TAFA2: variants seen among roughly 807,000 people sequenced by gnomAD.
TAFA2 encodes TAFA chemokine like family member 2.
Under a neutral mutation model 18.8 loss-of-function variants are expected in TAFA2, and 7 were observed. That is an observed-to-expected ratio of 0.37 (90% confidence interval 0.21 to 0.70). The LOEUF is 0.70. Among genes scored for constraint, TAFA2 ranks in the 30% least tolerant of loss-of-function variants. The probability of loss-of-function intolerance (pLI) is 0.53; values close to 1 mark genes in which losing one functional copy is unlikely to be tolerated. For synonymous variants in TAFA2, 60 were observed against 54.2 expected, an observed-to-expected ratio of 1.11 and a Z score of -0.47; for missense variants, 122 against 158.1, an observed-to-expected ratio of 0.77 and a Z score of 1.23.
chr12:61,820,110 A>C (rs1221926633), intron 2 of TAFA2, among the ~76,000 whole-genome samples: 1 of 152,012 alleles, frequency 6.6e-6, no homozygotes, highest in Non-Finnish European at 1.5e-5. Context: ...CATTTACATC[A>C]GTTTGTCCCA....
intron 1 of TAFA2, among the ~76,000 whole-genome samples, chr12:62,249,173 G>T (rs2062900111): frequency 6.6e-6 from 1 of 151,030 alleles, no homozygotes; most frequent in Admixed American, 6.6e-5. Flanking sequence ...CATGTTCCTG[G>T]AATTTGTGAT....
Position 61,780,079 on chromosome 12 carries a change from C to A in TAFA2, c.107-25055G>T, listed in dbSNP as rs1216588540. On this transcript the variant is annotated intron_variant, in intron 2 of 4. Coordinates refer to ENST00000416284, the MANE Select transcript of TAFA2 (RefSeq NM_178539.5). ...GAAAATCATTAGATGCAAATGAAAACAATGTCAAATATCCCAGAAGATAAT... is the reference window on the plus strand; with the variant it reads ...GAAAATCATTAGATGCAAATGAAAAAAATGTCAAATATCCCAGAAGATAAT... Among the ~76,000 whole-genome samples, 3 of 151,626 alleles carry A rather than the reference C, an allele frequency of 2.0e-5. No homozygotes were observed. In the East Asian group the frequency reaches 5.8e-4, roughly 29 times the overall value.
At chr12:62,058,487 T>C (rs1338158441) in intron 1 of TAFA2, among the ~76,000 whole-genome samples, 1 of 152,234 alleles carries the variant, frequency 6.6e-6, no homozygotes, top group Non-Finnish European at 1.5e-5. Flanking sequence ...CAGCAGTGAA[T>C]AATTCCGTCT....
intron 1 of TAFA2, among the ~76,000 whole-genome samples, chr12:62,178,733 G>A (rs1565771491): frequency 6.6e-6 from 1 of 152,200 alleles, no homozygotes; most frequent in East Asian, 1.9e-4. Context: ...TGGGCTACAA[G>A]AAGATCTGCC....
rs1378903492 is a variant in TAFA2, at chr12:62,079,482, G to A, written c.-2+111777C>T. On this transcript the variant is annotated intron_variant, in intron 1 of 4. Coordinates refer to ENST00000416284, the MANE Select transcript of TAFA2 (RefSeq NM_178539.5). ...AGTCTGGCCAACATGGTGAAACCCCGTCTCTACTAAAAATACAAAAAAAAA... is the reference window on the plus strand; with the variant it reads ...AGTCTGGCCAACATGGTGAAACCCCATCTCTACTAAAAATACAAAAAAAAA... Among the ~76,000 whole-genome samples the A allele has an allele frequency of 4.8e-5, 7 of 147,030 alleles. No individual in the cohort carries two copies. In the East Asian group the frequency reaches 1.2e-3, roughly 25 times the overall value.
At chr12:62,076,162 T>C (rs535321684) in intron 1 of TAFA2, among the ~76,000 whole-genome samples, 1 of 152,324 alleles carries the variant, frequency 6.6e-6, no homozygotes, top group South Asian at 2.1e-4. Context: ...GTTGTTGTAT[T>C]AAAAGTTAGC....
chr12:61,736,448 A>G (rs1868305827), intron 4 of TAFA2, among the ~76,000 whole-genome samples: 1 of 151,762 alleles, frequency 6.6e-6, no homozygotes, highest in South Asian at 2.1e-4. Flanking sequence ...TTTGGTATTG[A>G]TGAGTCATTC....
intron 2 of TAFA2, among the ~76,000 whole-genome samples, chr12:61,853,315 T>C (rs1444041933): frequency 6.6e-6 from 1 of 152,100 alleles, no homozygotes; most frequent in African/African-American, 2.4e-5. Context: ...AGGGATGAGC[T>C]ACAATAGAGG....
At chr12:62,235,255 G>A (rs1024863865) in intron 1 of TAFA2, 3 of 657,208 alleles carry the variant, frequency 4.6e-6, no homozygotes, top group African/African-American at 3.6e-5. Flanking sequence ...ATACTGAACT[G>A]TGGCCCCCCT....
chr12:62,174,331 GA>G (rs149845413), intron 1 of TAFA2, among the ~76,000 whole-genome samples: 11,934 of 152,010 alleles, frequency 0.079, 659 homozygotes, highest in Non-Finnish European at 0.12. Context: ...AAAAGAAGAA[GA>G]AGGAAACGTT....
At chr12:62,179,918 T>G (rs573892545) in intron 1 of TAFA2, among the ~76,000 whole-genome samples, 1 of 152,314 alleles carries the variant, frequency 6.6e-6, no homozygotes, top group East Asian at 1.9e-4. Context: ...CTCAGTTCAC[T>G]CCGGTCTGCC....
At chr12:62,169,117 T>C (rs975332376) in intron 1 of TAFA2, among the ~76,000 whole-genome samples, 3 of 152,336 alleles carry the variant, frequency 2.0e-5, no homozygotes, top group Middle Eastern at 3.4e-3. Flanking sequence ...GAAGAGTCAT[T>C]ATCTTTTAGA....
At chr12:61,871,949 A>G (rs1874622885) in intron 1 of TAFA2, among the ~76,000 whole-genome samples, 1 of 152,090 alleles carries the variant, frequency 6.6e-6, no homozygotes, top group Non-Finnish European at 1.5e-5. Flanking sequence ...AAAATTAGCC[A>G]GGCGTGGTGG....
chr12:62,213,337 AAAT>A (rs1403418142), intron 1 of TAFA2, among the ~76,000 whole-genome samples: 1 of 152,170 alleles, frequency 6.6e-6, no homozygotes, highest in African/African-American at 2.4e-5. Flanking sequence ...TCAATTTGTT[AAAT>A]AATTATTAAA....
chr12:61,838,657 C>A (rs1007628073), intron 2 of TAFA2, among the ~76,000 whole-genome samples: 1 of 152,038 alleles, frequency 6.6e-6, no homozygotes, highest in East Asian at 1.9e-4. Context: ...AACAAACAAA[C>A]AAAGGCAACT....
intron 1 of TAFA2, among the ~76,000 whole-genome samples, chr12:62,160,024 C>A (rs2062396330): frequency 6.6e-6 from 1 of 152,162 alleles, no homozygotes; most frequent in Admixed American, 6.5e-5. Context: ...ATACTCAAGT[C>A]ATTCAGCTCA....
intron 2 of TAFA2, among the ~76,000 whole-genome samples, chr12:61,795,130 T>G (rs1162450423): frequency 6.6e-6 from 1 of 152,156 alleles, no homozygotes; most frequent in Non-Finnish European, 1.5e-5. Flanking sequence ...ACACTGTTGG[T>G]GGGACTGTAA....
chr12:61,955,665 A>C (rs12302259), intron 1 of TAFA2, among the ~76,000 whole-genome samples: 1 of 120,456 alleles, frequency 8.3e-6, no homozygotes, highest in African/African-American at 3.4e-5. Flanking sequence ...ATATATATAT[A>C]TATATTTAAT....
intron 1 of TAFA2, among the ~76,000 whole-genome samples, chr12:61,956,830 C>T (rs1028037015): frequency 2.0e-5 from 3 of 152,078 alleles, no homozygotes; most frequent in Non-Finnish European, 4.4e-5. Flanking sequence ...GGTGTGTCAA[C>T]GTCTGATGAA....
Sources: allele counts gnomAD v4.1 joint callset (sites outside exome capture counted in the v4.1 genomes callset), GRCh38; gene constraint gnomAD v4.1.1; transcripts MANE v1.5; gene names NCBI Gene and HGNC (gene_info 2026-07-23, HGNC 2026-07-21).